CDH1: variants seen among roughly 807,000 people sequenced by gnomAD.
CDH1 encodes the protein cadherin 1, also known as cadherin-1.
CDH1 carries 35 observed loss-of-function variants against 84.5 expected under a neutral mutation model. The observed-to-expected ratio is 0.41, with a 90% CI of 0.32 to 0.55. CDH1 has a LOEUF of 0.55. CDH1 is among the 20% of genes least tolerant of loss of function. The pLI is 0.19. For synonymous variants in CDH1, 417 were observed against 439.0 expected, an observed-to-expected ratio of 0.95 and a Z score of 0.63; for missense variants, 994 against 1,126.6, an observed-to-expected ratio of 0.88 and a Z score of 1.68.
intron 2 of CDH1, among the ~76,000 whole-genome samples, chr16:68,772,153 A>G (rs1418524245): frequency 2.6e-5 from 4 of 152,186 alleles, no homozygotes; most frequent in Non-Finnish European, 2.9e-5. Flanking sequence ...CTCAGGGTCT[A>G]GGCTCCTTAT....
At chr16:68,788,007 A>C (rs1053787331) in intron 2 of CDH1, among the ~76,000 whole-genome samples, 3 of 151,914 alleles carry the variant, frequency 2.0e-5, no homozygotes, top group African/African-American at 7.3e-5. Context: ...TTGTATTTTT[A>C]GTAGAGACGA....
In CDH1 at chr16:68,833,274, G is replaced by T. The variant is rs745826347; in HGVS notation, c.2440-16G>T. On this transcript the variant is annotated splice_polypyrimidine_tract_variant and intron_variant, in intron 15 of 15. Transcript: ENST00000261769. ...CTTCCTTTCACTAAAAGATGCTTTT[G>T]TCCCTTCTTCTTTAGAATCTGAAAG... 3 of 1,610,450 alleles carry T rather than the reference G, an allele frequency of 1.9e-6. No individual in the cohort carries two copies. Among genetic ancestry groups the T allele is most frequent in the African/African-American group, 2.7e-5 (2 of 74,800 alleles).
intron 2 of CDH1, among the ~76,000 whole-genome samples, chr16:68,761,218 G>A (rs1959219956): frequency 6.6e-6 from 1 of 152,220 alleles, no homozygotes; most frequent in South Asian, 2.1e-4. Context: ...AGAACTTGGA[G>A]AACCCGGACA....
At chr16:68,785,604 G>C (rs182930832) in intron 2 of CDH1, among the ~76,000 whole-genome samples, 1 of 152,298 alleles carries the variant, frequency 6.6e-6, no homozygotes, top group South Asian at 2.1e-4. Flanking sequence ...CTCCCAAAAT[G>C]CTGGGATTAC....
chr16:68,817,890 C>T (rs113762367), intron 10 of CDH1, among the ~76,000 whole-genome samples: 4 of 151,880 alleles, frequency 2.6e-5, no homozygotes, highest in Non-Finnish European at 2.9e-5. Flanking sequence ...TCTGACAATT[C>T]GAATATGCAC....
At chr16:68,812,538 C>A (rs1960868284) in intron 8 of CDH1, among the ~76,000 whole-genome samples, 2 of 152,164 alleles carry the variant, frequency 1.3e-5, no homozygotes, top group African/African-American at 4.8e-5. Flanking sequence ...GCAAATATTA[C>A]CTGGTTTCAT....
At chr16:68,806,637 A>G (rs1422583445) in intron 3 of CDH1, among the ~76,000 whole-genome samples, 1 of 152,172 alleles carries the variant, frequency 6.6e-6, no homozygotes, top group Non-Finnish European at 1.5e-5. Flanking sequence ...ATCTCATTTA[A>G]TCCTTCCAAG....
Position 68,804,824 on chromosome 16 carries a change from C to CTTTTTTTTTT in CDH1, c.387+2945_387+2954dup, listed in dbSNP as rs5817653. 3.9e-4 allele frequency among the ~76,000 whole-genome samples: 27 copies of CTTTTTTTTTT among 69,680 alleles called. 4 individuals are homozygous for CTTTTTTTTTT. The highest frequency in any genetic ancestry group is 1.6e-3 in the African/African-American group (24 of 14,994). 45.7% of individuals were successfully genotyped at this position (69,680 alleles called of 152,430 possible). On this transcript the variant is annotated intron_variant, in intron 3 of 15. Transcript: ENST00000261769. ...AAACAACATATCCAGGTAACAAAATCTTTTTTTTTTTTTTTTTTTTTTTGG... is the reference window on the plus strand; with the variant it reads ...AAACAACATATCCAGGTAACAAAATCTTTTTTTTTTTTTTTTTTTTTTTTTTTTTTTTTGG...
intron 3 of CDH1, among the ~76,000 whole-genome samples, chr16:68,804,772 T>C (rs2152128169): frequency 6.6e-6 from 1 of 151,696 alleles, no homozygotes; most frequent in East Asian, 1.9e-4. Context: ...TTTCATTATA[T>C]ATTGATTAAT....
At chr16:68,819,468 G>A (rs1961083146) in intron 11 of CDH1, 43 bp downstream of exon 11, 1 of 1,602,588 alleles carries the variant, frequency 6.2e-7, no homozygotes. Flanking sequence ...CGACCTCCTA[G>A]CTAGTTCAGT....
rs876660905 is a variant in CDH1, at chr16:68,819,421, C to A, written c.1707C>A (p.Asp569Glu). The change falls in exon 11 of 16, where the codon GAC (aspartate) becomes GAA (glutamate). Residue 569 changes from aspartate to glutamate, a missense_variant. Asp to Glu is a conservative substitution (Grantham distance 45, BLOSUM62 2). Transcript: ENST00000261769. ...STYTALIIAT[D>E]NGSPVATGTG... The stretch of plus-strand genomic sequence containing the variant: ...ACACAGCCCTAATCATAGCTACAGA[C>A]AATGGTAAGGGGGCCTCATCTGAGC... The A allele has an allele frequency of 3.1e-6, 5 of 1,613,414 alleles. No homozygotes were observed. The East Asian group carries it at 1.1e-4, about 36-fold the overall frequency.
At chr16:68,790,911 C>G (rs899656929) in intron 2 of CDH1, among the ~76,000 whole-genome samples, 1 of 152,148 alleles carries the variant, frequency 6.6e-6, no homozygotes, top group Non-Finnish European at 1.5e-5. Flanking sequence ...TTGCTGTCCT[C>G]TCTGGGAGAG....
chr16:68,779,119 G>C (rs1959807067), intron 2 of CDH1, among the ~76,000 whole-genome samples: 2 of 152,202 alleles, frequency 1.3e-5, no homozygotes, highest in African/African-American at 4.8e-5. Context: ...AATCCCTGAA[G>C]GCCTGCTCTA....
At chr16:68,815,315 T>G (rs1174724186) in intron 9 of CDH1, among the ~76,000 whole-genome samples, 200 bp from the exon 10 acceptor site, 1 of 152,146 alleles carries the variant, frequency 6.6e-6, no homozygotes, top group Non-Finnish European at 1.5e-5. Context: ...CAGCTTTGCC[T>G]TCCTCTTGAG....
At chr16:68,771,011 C>T (rs1233122353) in intron 2 of CDH1, 3 of 151,600 alleles carry the variant, frequency 2.0e-5, no homozygotes, top group South Asian at 2.1e-4. Flanking sequence ...ATCCTTTCCC[C>T]GCCAGTGGAG....
intron 15 of CDH1, among the ~76,000 whole-genome samples, chr16:68,832,792 C>G (rs1961518472): frequency 2.0e-5 from 3 of 152,092 alleles, no homozygotes; most frequent in Admixed American, 1.3e-4. Flanking sequence ...TGCACTCCAG[C>G]CTGTGTGACA....
In CDH1 at chr16:68,738,406, G is replaced by C. The variant is rs876659692; in HGVS notation, c.158G>C (p.Gly53Ala). Reference protein sequence around the residue: ...RRHLERGRVLGRVNFEDCTGR... With the variant: ...RRHLERGRVLARVNFEDCTGR... ...CACCTGGAGAGAGGCCGCGTCCTGGGCAGAGGTGAGGGCGCGCTGCCGGTG... is the reference window on the plus strand; with the variant it reads ...CACCTGGAGAGAGGCCGCGTCCTGGCCAGAGGTGAGGGCGCGCTGCCGGTG... The change falls in exon 2 of 16, where the codon GGC becomes GCC. Residue 53 changes from glycine to alanine, a missense_variant. This residue lies in a region of CDH1 where 203 missense variants were observed against 194.0 expected (regional missense o/e 1.05). Transcript: ENST00000261769. 6.5e-7 allele frequency: 1 copy of C among 1,545,422 alleles called. No individual in the cohort carries two copies. Among genetic ancestry groups the C allele is most frequent in the Non-Finnish European group, 8.8e-7 (1 of 1,142,526 alleles).
intron 11 of CDH1, among the ~76,000 whole-genome samples, chr16:68,819,633 C>T (rs541884496): frequency 6.6e-6 from 1 of 152,074 alleles, no homozygotes; most frequent in South Asian, 2.1e-4. Flanking sequence ...TTAGGGTATC[C>T]GTCACCCAAA....
Position 68,834,791 on chromosome 16 carries a change from C to T in CDH1, c.*1292C>T. ...TTAGCTCTGAAGCAAGAGTGATATA[C>T]TCCAGGACTTAGAATAGTGCCTAAA... On this transcript the variant is annotated 3_prime_UTR_variant, in exon 16 of 16. Transcript: ENST00000261769. 4.3e-6 allele frequency: 1 copy of T among 232,184 alleles called. No individual in the cohort carries two copies. Among genetic ancestry groups the T allele is most frequent in the Non-Finnish European group, 8.5e-6 (1 of 117,032 alleles). 14.4% of individuals were successfully genotyped at this position (232,184 alleles called of 1,614,324 possible).
Sources: gnomAD v4.1 joint callset for allele counts (sites outside exome capture counted in the v4.1 genomes callset) on GRCh38, gnomAD v4.1.1 for gene constraint, gnomAD v4.1.1 regional missense constraint, MANE v1.5 for transcripts, NCBI Gene and HGNC (gene_info 2026-07-23, HGNC 2026-07-21) for gene names.